The following DMXL2 variants were observed in gnomAD, a reference collection of about 807,000 sequenced individuals.
DMXL2 encodes the protein Dmx like 2.
Under a neutral mutation model 331.1 loss-of-function variants are expected in DMXL2, and 103 were observed. The ratio of observed to expected loss-of-function variants is 0.31; its 90% CI spans 0.27 to 0.37. The LOEUF (loss-of-function observed/expected upper bound fraction) is 0.37. Ranked by LOEUF, DMXL2 falls within the 10% of genes least tolerant of loss-of-function variation. DMXL2 has a pLI of 1.00. For synonymous variants in DMXL2, 1,281 were observed against 1,252.1 expected (o/e 1.02, Z -0.49); for missense variants, 3,171 against 3,642.9 (o/e 0.87, Z 3.33).
chr15:51,594,847 T>C (rs538943082), intron 1 of DMXL2, among the ~76,000 whole-genome samples: 15 of 152,316 alleles, frequency 9.8e-5, no homozygotes, highest in African/African-American at 3.1e-4. Context: ...AGAAAAGGCC[T>C]TTGACAAAAT....
At chr15:51,605,274 C>T (rs927573351) in intron 1 of DMXL2, among the ~76,000 whole-genome samples, 2 of 152,148 alleles carry the variant, frequency 1.3e-5, no homozygotes, top group Non-Finnish European at 2.9e-5. Context: ...CATCTCAGCT[C>T]ACTGCCACCT....
rs144831857 is a variant in DMXL2 at position 51,489,084 on chromosome 15, A to G, written c.4954-439T>C. Among the ~76,000 whole-genome samples, 4 of 152,352 alleles carry G rather than the reference A, an allele frequency of 2.6e-5. No individual in the cohort carries two copies. The East Asian group carries it at 7.7e-4, about 29-fold the overall frequency. ...ACTGAAACTAACATAGAAAGCAATAAAGAAGGCAGAATATTCAATAGATGT... is the reference window on the plus strand; with the variant it reads ...ACTGAAACTAACATAGAAAGCAATAGAGAAGGCAGAATATTCAATAGATGT... On this transcript the variant is annotated intron_variant, in intron 20 of 43. Transcript: ENST00000560891.
In DMXL2 at chr15:51,622,512, T is replaced by C; in HGVS notation, c.34A>G (p.Asn12Asp). 1.3e-6 allele frequency: 2 copies of C among 1,568,304 alleles called. No individual in the cohort carries two copies. The highest frequency in any genetic ancestry group is 1.7e-6 in the Non-Finnish European group (2 of 1,156,138). Residue 12 changes from asparagine to aspartate, a missense_variant, in exon 1 of 44, where the codon AAC (asparagine) becomes GAC (aspartate). Transcript: ENST00000560891. ...ACGGAGTAGCAGTTGTCTCCAGGGT[T>C]GACAGCTCCGGTGAGGACCTGATGC... Reference protein sequence around the residue: ...HLHQVLTGAVNPGDNCYSVGS... With the variant: ...HLHQVLTGAVDPGDNCYSVGS...
At chr15:51,592,285 G>A (rs533882840) in intron 1 of DMXL2, among the ~76,000 whole-genome samples, 19 of 152,278 alleles carry the variant, frequency 1.2e-4, no homozygotes, top group East Asian at 3.9e-4. Flanking sequence ...AGCCTCAGTC[G>A]CTGATTCGAT....
rs1347745018 is a variant in DMXL2, at chr15:51,547,354, T to C, written c.622A>G (p.Ile208Val). ...TTTACTTCATGATGATCCTGAGGTA[T>C]AATTGAAGACTTCCAACCAGTCATA... ...YPMTGWKSSI[I>V]PQDHHEVKRR... The change falls in exon 7 of 44, where the codon ATA (isoleucine) becomes GTA (valine). Residue 208 changes from isoleucine (I) to valine (V), a missense_variant. Transcript: ENST00000560891. The C allele has an allele frequency of 6.2e-7, 1 of 1,612,170 alleles. No individual in the cohort carries two copies. Among genetic ancestry groups the C allele is most frequent in the South Asian group, 1.1e-5 (1 of 90,800 alleles).
rs201799985 is a variant in DMXL2 at position 51,463,913 on chromosome 15, CTA to C, written c.7809-419_7809-418del. On this transcript the variant is annotated intron_variant, in intron 32 of 43. Coordinates refer to ENST00000560891, the MANE Select transcript of DMXL2 (RefSeq NM_001378457.1). ...TTCAAGCTTATTTTAATAGTAAAAA[CTA>C]TTAATCAGGGTCCACTACCTCAAAA... is the stretch of plus-strand genomic sequence containing the variant. Among the ~76,000 whole-genome samples the C allele has an allele frequency of 9.5e-3, 1,444 of 152,068 alleles. 18 individuals carry two copies. The highest frequency in any genetic ancestry group is 0.033 in the African/African-American group (1,388 of 41,490).
At chr15:51,478,708 T>C (rs181233800) in intron 25 of DMXL2, among the ~76,000 whole-genome samples, 9 of 152,244 alleles carry the variant, frequency 5.9e-5, no homozygotes, top group Admixed American at 5.2e-4. Context: ...GAATAGAATT[T>C]TCAGAGTTTT....
chr15:51,603,758 G>A (rs1301844635), intron 1 of DMXL2: 2 of 151,936 alleles, frequency 1.3e-5, no homozygotes, highest in African/African-American at 2.4e-5. Context: ...GTCCCAGCTA[G>A]TCACGAGGCT....
chr15:51,582,935 C>T lies in DMXL2; in HGVS notation c.88-6754G>A, dbSNP rs180986092. ...CCAGGAAGCAATTACTTAATAATTACCTATGAACCCTTCCTGAAATGTTCA... is the reference window on the plus strand; with the variant it reads ...CCAGGAAGCAATTACTTAATAATTATCTATGAACCCTTCCTGAAATGTTCA... On this transcript the variant is annotated intron_variant, in intron 1 of 43. Transcript: ENST00000560891. 1.3e-4 allele frequency among the ~76,000 whole-genome samples: 20 copies of T among 151,920 alleles called. No individual in the cohort carries two copies. The East Asian group carries it at 3.9e-3, about 29-fold the overall frequency.
chr15:51,551,322 T>A (rs1424531921), intron 6 of DMXL2, among the ~76,000 whole-genome samples: 1 of 152,154 alleles, frequency 6.6e-6, no homozygotes, highest in East Asian at 1.9e-4. Flanking sequence ...TAACTGGATA[T>A]AAGCAGCTTA....
At chr15:51,483,235 G>A (rs548341230) in intron 23 of DMXL2, among the ~76,000 whole-genome samples, 2 of 152,232 alleles carry the variant, frequency 1.3e-5, no homozygotes, top group South Asian at 2.1e-4. Context: ...TCCACCTACC[G>A]CCAGTGAGCC....
intron 17 of DMXL2, among the ~76,000 whole-genome samples, chr15:51,502,285 A>G (rs915453811): frequency 2.1e-5 from 3 of 144,776 alleles, no homozygotes; most frequent in African/African-American, 8.0e-5. Flanking sequence ...GATTACATTT[A>G]TCACAGGAAA....
At chr15:51,528,634 T>TAA (rs1234522283) in intron 13 of DMXL2, among the ~76,000 whole-genome samples, 2 of 152,114 alleles carry the variant, frequency 1.3e-5, no homozygotes, top group East Asian at 3.9e-4. Flanking sequence ...AAGCAAATAT[T>TAA]AGAGTTACAG....
chr15:51,476,082 A>G (rs574410410), intron 27 of DMXL2, among the ~76,000 whole-genome samples: 1 of 152,228 alleles, frequency 6.6e-6, no homozygotes, highest in Non-Finnish European at 1.5e-5. Context: ...ATATACACTT[A>G]GGATATTGAA....
chr15:51,578,281 T>C (rs1327038260), intron 1 of DMXL2, among the ~76,000 whole-genome samples: 1 of 152,234 alleles, frequency 6.6e-6, no homozygotes, highest in Non-Finnish European at 1.5e-5. Context: ...CCCTACATTA[T>C]ATATCAAAAA....
At chr15:51,610,825 G>T (rs1273692146) in intron 1 of DMXL2, among the ~76,000 whole-genome samples, 1 of 151,058 alleles carries the variant, frequency 6.6e-6, no homozygotes, top group Admixed American at 6.6e-5. Flanking sequence ...AACTTAAAAA[G>T]ACTAGAAGTA....
intron 27 of DMXL2, among the ~76,000 whole-genome samples, chr15:51,475,451 G>A (rs537251506): frequency 3.6e-4 from 54 of 152,054 alleles, no homozygotes; most frequent in East Asian, 1.5e-3. Context: ...CCGAGATTGC[G>A]CCACTGCACT....
At chr15:51,504,154 GC>G (rs1389901563) in intron 16 of DMXL2, among the ~76,000 whole-genome samples, 1 of 151,946 alleles carries the variant, frequency 6.6e-6, no homozygotes, top group African/African-American at 2.4e-5. Flanking sequence ...CAGTAAAGCA[GC>G]CCAGGTGTTT....
rs991968536 is a variant in DMXL2 at position 51,473,939 on chromosome 15, T to C, written c.7213+405A>G. On this transcript the variant is annotated intron_variant, in intron 28 of 43. Coordinates refer to ENST00000560891, the MANE Select transcript of DMXL2 (RefSeq NM_001378457.1). ...TCTGAAGCCAACTGCTGGTATGCGC[T>C]AAAGATTTTGAACACTTACTTAAAT... Among the ~76,000 whole-genome samples, 8 of 152,284 alleles carry C rather than the reference T, an allele frequency of 5.3e-5. 1 individual carries two copies. Among genetic ancestry groups the C allele is most frequent in the Admixed American group, 5.2e-4 (8 of 15,300 alleles).
Sources: gnomAD v4.1 joint callset for allele counts (sites outside exome capture counted in the v4.1 genomes callset) on GRCh38, gnomAD v4.1.1 for gene constraint, MANE v1.5 for transcripts, NCBI Gene and HGNC (gene_info 2026-07-23, HGNC 2026-07-21) for gene names.